The following HACD2 variants were observed in gnomAD, a reference collection of about 807,000 sequenced individuals.
The protein encoded by HACD2 is 3-hydroxyacyl-CoA dehydratase 2, also known as very-long-chain (3R)-3-hydroxyacyl-CoA dehydratase 2.
A neutral mutation model predicts 31.0 loss-of-function variants in HACD2; 15 were observed. That is an observed-to-expected ratio of 0.48 (90% CI 0.32 to 0.75). The LOEUF (loss-of-function observed/expected upper bound fraction) is 0.75. Among genes scored for constraint, HACD2 ranks in the 30% least tolerant of loss-of-function variants. The probability of loss-of-function intolerance (pLI) is 0.03; values close to 1 mark genes in which losing one functional copy is unlikely to be tolerated. For synonymous variants in HACD2, 115 were observed against 122.2 expected, an observed-to-expected ratio of 0.94 and a Z score of 0.39; for missense variants, 283 against 313.0, an observed-to-expected ratio of 0.90 and a Z score of 0.72.
intron 4 of HACD2, among the ~76,000 whole-genome samples, chr3:123,517,435 C>T (rs2056151833): frequency 1.3e-5 from 2 of 152,212 alleles, no homozygotes; most frequent in African/African-American, 4.8e-5. Flanking sequence ...ACAGACACTG[C>T]ATCAGAATGG....
chr3:123,496,268 C>T (rs2055832092), intron 6 of HACD2, among the ~76,000 whole-genome samples: 1 of 152,178 alleles, frequency 6.6e-6, no homozygotes, highest in South Asian at 2.1e-4. Context: ...AGGGGTGTGC[C>T]CGCCTCAGCC....
Position 123,536,996 on chromosome 3 carries a change from G to A in HACD2, c.293-8522C>T, listed in dbSNP as rs141126111. ...TCAAAATAAAGAACTCAGGAATGGA[G>A]AAGTCATAATAAAAATGCCCATGGT... On this transcript the variant is annotated intron_variant, in intron 3 of 6. Coordinates refer to ENST00000383657, the MANE Select transcript of HACD2 (RefSeq NM_198402.5). Among the ~76,000 whole-genome samples the A allele has an allele frequency of 1.2e-4, 19 of 152,312 alleles. No individual in the cohort carries two copies. In the East Asian group the frequency reaches 3.1e-3, roughly 25 times the overall value.
rs115938533 is a variant in HACD2 at position 123,500,981 on chromosome 3, A to C, written c.504-288T>G. Among the ~76,000 whole-genome samples the C allele has an allele frequency of 3.3e-3, 505 of 152,288 alleles. 2 individuals carry two copies. The highest frequency in any genetic ancestry group is 7.8e-3 in the Admixed American group (120 of 15,298). ...TCAAAATTATGCTCTAAAATAACTA[A>C]AGTGATGCCAAATGTTGGTAAAGTA... On this transcript the variant is annotated intron_variant, in intron 5 of 6. Transcript: ENST00000383657.
chr3:123,558,696 C>T (rs547386340), intron 3 of HACD2, among the ~76,000 whole-genome samples: 6 of 152,248 alleles, frequency 3.9e-5, no homozygotes, highest in East Asian at 1.9e-4. Context: ...ACAAATTTTC[C>T]GAAGCTTTCT....
intron 4 of HACD2, among the ~76,000 whole-genome samples, chr3:123,525,496 T>C (rs1025459016): frequency 7.2e-5 from 11 of 152,208 alleles, no homozygotes; most frequent in African/African-American, 2.7e-4. Context: ...CAAGCAATGA[T>C]GCATGTCCCA....
At chr3:123,582,123 A>G in intron 2 of HACD2, 89 bp downstream of exon 2, 2 of 799,656 alleles carry the variant, frequency 2.5e-6, no homozygotes, top group Non-Finnish European at 3.7e-6. Context: ...CATGAATCCA[A>G]AGGGGGTATG....
chr3:123,553,665 C>T (rs139550553), intron 3 of HACD2, among the ~76,000 whole-genome samples: 6 of 152,338 alleles, frequency 3.9e-5, no homozygotes, highest in Admixed American at 3.9e-4. Context: ...TCCTCAAGTG[C>T]TCTAATATAA....
chr3:123,528,682 G>T (rs1275648047), intron 3 of HACD2, among the ~76,000 whole-genome samples: 1 of 152,036 alleles, frequency 6.6e-6, no homozygotes, highest in African/African-American at 2.4e-5. Flanking sequence ...ATTTTTAATG[G>T]TATTATAAAA....
intron 4 of HACD2, among the ~76,000 whole-genome samples, chr3:123,516,052 G>A (rs973175930): frequency 2.4e-4 from 36 of 151,336 alleles, no homozygotes; most frequent in African/African-American, 6.3e-4. Flanking sequence ...GAGCCACCGC[G>A]CCTGGCCTAG....
intron 4 of HACD2, among the ~76,000 whole-genome samples, chr3:123,519,237 T>C (rs2056183715): frequency 6.6e-6 from 1 of 152,158 alleles, no homozygotes; most frequent in African/African-American, 2.4e-5. Context: ...TTAGCATGCA[T>C]ACACACAAAT....
At chr3:123,528,510 T>C in intron 3 of HACD2, 36 bp from the exon 4 acceptor site, 3 of 1,187,620 alleles carry the variant, frequency 2.5e-6, no homozygotes, top group South Asian at 1.2e-5. Context: ...ATAAATGTAC[T>C]GTACTAAGTT....
Position 123,500,659 on chromosome 3 carries a change from C to T in HACD2, c.538G>A (p.Val180Met). 1 of 1,612,880 alleles carries T rather than the reference C, an allele frequency of 6.2e-7. No homozygotes were observed. Among genetic ancestry groups the T allele is most frequent in the Non-Finnish European group, 8.5e-7 (1 of 1,179,568 alleles). The change falls in exon 6 of 7, where the codon GTG becomes ATG. Residue 180 changes from valine to methionine, a missense_variant. This residue lies in a region of HACD2 where 85 missense variants were observed against 129.6 expected (regional missense o/e 0.66). Coordinates refer to ENST00000383657, the MANE Select transcript of HACD2 (RefSeq NM_198402.5). ...TLFIVLYPMG[V>M]SGELLTIYAA... ...TATATTGTGAGCAGTTCTCCTGACA[C>T]TCCCATTGGGTACAGCACAATGAAA...
chr3:123,577,490 G>A (rs1002481584), intron 2 of HACD2, among the ~76,000 whole-genome samples: 4 of 151,930 alleles, frequency 2.6e-5, no homozygotes, highest in Admixed American at 1.3e-4. Context: ...GTGTGGTGGC[G>A]GGCGCCTGTA....
rs374497253 is a variant in HACD2, at chr3:123,577,969, CACT to C, written c.273+4240_273+4242del. ...GTTCACAGAGTTGTGCACCCACCACCACTATTTCAAGAACAATATCATCACCTT... is the reference window on the plus strand; with the variant it reads ...GTTCACAGAGTTGTGCACCCACCACCATTTCAAGAACAATATCATCACCTT... On this transcript the variant is annotated intron_variant, in intron 2 of 6. Transcript: ENST00000383657. 4.1e-4 allele frequency among the ~76,000 whole-genome samples: 63 copies of C among 152,244 alleles called. 1 individual carries two copies. Among genetic ancestry groups the C allele is most frequent in the Admixed American group, 2.6e-4 (4 of 15,284 alleles).
chr3:123,582,019 A>C (rs1475514196), intron 2 of HACD2, among the ~76,000 whole-genome samples, 193 bp downstream of exon 2: 1 of 152,226 alleles, frequency 6.6e-6, no homozygotes, highest in East Asian at 1.9e-4. Context: ...ATTCAAGGTA[A>C]CCTAAGTTAA....
chr3:123,567,528 T>A (rs889457728), intron 3 of HACD2, among the ~76,000 whole-genome samples: 2 of 152,208 alleles, frequency 1.3e-5, no homozygotes, highest in African/African-American at 4.8e-5. Flanking sequence ...ACACCTCTTT[T>A]AAATTAACAG....
intron 3 of HACD2, chr3:123,543,675 G>A (rs1297035641): frequency 2.3e-6 from 1 of 426,172 alleles, no homozygotes; most frequent in Admixed American, 2.6e-5. Context: ...AAAAAAAACT[G>A]TCAGAATCCA....
At chr3:123,495,903 G>T (rs13080056) in intron 6 of HACD2, among the ~76,000 whole-genome samples, 5,713 of 152,244 alleles carry the variant, frequency 0.038, 686 homozygotes, top group East Asian at 0.35. Flanking sequence ...TCCCTGCTAG[G>T]AAATACCACT....
chr3:123,503,384 G>T (rs1473225595), intron 4 of HACD2, among the ~76,000 whole-genome samples: 1 of 151,960 alleles, frequency 6.6e-6, no homozygotes, highest in Non-Finnish European at 1.5e-5. Context: ...TCCCATTAGA[G>T]ACTTCTTCCC....
Sources: allele counts gnomAD v4.1 joint callset (sites outside exome capture counted in the v4.1 genomes callset), GRCh38; gene constraint gnomAD v4.1.1; regional missense constraint gnomAD v4.1.1; transcripts MANE v1.5; gene names NCBI Gene and HGNC (gene_info 2026-07-23, HGNC 2026-07-21).